Variants in ZHX2 observed in about 807,000 individuals in gnomAD.
ZHX2 encodes the protein zinc fingers and homeoboxes protein 2.
Under a neutral mutation model 21.9 loss-of-function variants are expected in ZHX2, and 6 were observed. The ratio of observed to expected loss-of-function variants is 0.27; its 90% CI spans 0.15 to 0.54. ZHX2 has a LOEUF of 0.54. ZHX2 is among the 20% of genes least tolerant of loss of function. The pLI, the probability that ZHX2 is intolerant of heterozygous loss-of-function variation, is 0.95. For synonymous variants in ZHX2, 434 were observed against 437.1 expected, an observed-to-expected ratio of 0.99 and a Z score of 0.09; for missense variants, 908 against 1,090.7, an observed-to-expected ratio of 0.83 and a Z score of 2.36.
intron 2 of ZHX2, among the ~76,000 whole-genome samples, chr8:122,939,138 C>G (rs575559747): frequency 5.3e-4 from 81 of 152,294 alleles, no homozygotes; most frequent in Admixed American, 4.1e-3. Flanking sequence ...GGCACAGAAC[C>G]AAATATACTC....
intron 1 of ZHX2, among the ~76,000 whole-genome samples, chr8:122,824,588 G>C (rs1031565921): frequency 1.3e-5 from 2 of 152,190 alleles, no homozygotes; most frequent in Non-Finnish European, 2.9e-5. Flanking sequence ...ATCCAGCCCA[G>C]TGCTTATGTT....
Position 122,953,019 on chromosome 8 carries a change from C to A in ZHX2, c.1509C>A (p.Ser503Arg). Reference sequence around the variant, plus strand: ...AAAGGGGCATCGTCCACATCACCAGCGAATCCCTTGCCAAAGACCAGTTGG... The same window carrying A: ...AAAGGGGCATCGTCCACATCACCAGAGAATCCCTTGCCAAAGACCAGTTGG... ...RCQRGIVHIT[S>R]ESLAKDQLAI... The change falls in exon 3 of 4, where the codon AGC (serine) becomes AGA (arginine). Residue 503 changes from serine (S) to arginine (R), a missense_variant. This residue lies in a region of ZHX2 where 232 missense variants were observed against 361.8 expected (regional missense o/e 0.64). Coordinates refer to ENST00000314393, the MANE Select transcript of ZHX2 (RefSeq NM_014943.5). This position sits in a 1 kb window ranked among gnomAD's most constrained non-coding sequence, Gnocchi z 4.6. The A allele has an allele frequency of 6.2e-7, 1 of 1,613,986 alleles. No individual in the cohort carries two copies. Among genetic ancestry groups the A allele is most frequent in the Non-Finnish European group, 8.5e-7 (1 of 1,180,020 alleles).
intron 2 of ZHX2, among the ~76,000 whole-genome samples, chr8:122,887,685 A>G (rs1819877883): frequency 6.6e-6 from 1 of 152,240 alleles, no homozygotes. Flanking sequence ...GAAAATGGAA[A>G]ACCGGAGGTA....
At chr8:122,872,524 G>T (rs1308468858) in intron 2 of ZHX2, among the ~76,000 whole-genome samples, 1 of 152,116 alleles carries the variant, frequency 6.6e-6, no homozygotes, top group African/African-American at 2.4e-5. Flanking sequence ...AAGTGAGAGA[G>T]GCCACTTCAT....
At chr8:122,832,576 G>A (rs1818401091) in intron 1 of ZHX2, among the ~76,000 whole-genome samples, 1 of 152,190 alleles carries the variant, frequency 6.6e-6, no homozygotes, top group Admixed American at 6.5e-5. Context: ...AGAAAGGTTG[G>A]GGAATAGGCT....
intron 2 of ZHX2, among the ~76,000 whole-genome samples, chr8:122,867,803 C>T (rs928838693): frequency 2.0e-5 from 3 of 152,164 alleles, no homozygotes; most frequent in Non-Finnish European, 4.4e-5. Context: ...TCTTTTCCCC[C>T]GTACCACCTC....
intron 3 of ZHX2, among the ~76,000 whole-genome samples, chr8:122,970,182 G>A (rs1813685430): frequency 6.6e-6 from 1 of 152,308 alleles, no homozygotes; most frequent in African/African-American, 2.4e-5. Flanking sequence ...CTCTGACCAG[G>A]TAATAGGACT....
At position 122,871,483 on chromosome 8, in the gene ZHX2, G is replaced by T. The variant is rs546635504; in HGVS notation, c.-220+7944G>T. Among the ~76,000 whole-genome samples, 6 of 135,386 alleles carry T rather than the reference G, an allele frequency of 4.4e-5. No individual in the cohort carries two copies. The East Asian group carries it at 1.4e-3, about 31-fold the overall frequency. The allele number at this position is 135,386 out of a possible 152,430, so 88.8% of individuals were successfully genotyped here. ...CATAGGTGGGAATTGAACAATGAGA[G>T]CACATGGACACAGGAAGGGGAACAT... On this transcript the variant is annotated intron_variant, in intron 2 of 3. Transcript: ENST00000314393.
chr8:122,818,031 C>A (rs1177183409), intron 1 of ZHX2, among the ~76,000 whole-genome samples: 3 of 152,198 alleles, frequency 2.0e-5, no homozygotes, highest in African/African-American at 7.2e-5. Context: ...CCTAAAGGTC[C>A]TGGCTTGCCT....
At chr8:122,854,131 C>G (rs990523511) in intron 1 of ZHX2, among the ~76,000 whole-genome samples, 16 of 152,284 alleles carry the variant, frequency 1.1e-4, no homozygotes, top group African/African-American at 3.8e-4. Flanking sequence ...CCTTGGTCTC[C>G]CCTCCTCTCA....
chr8:122,811,816 G>C (rs183839195), intron 1 of ZHX2: 2 of 152,340 alleles, frequency 1.3e-5, no homozygotes. Flanking sequence ...ATTTAAGAAA[G>C]TTGCCAAGAA....
chr8:122,929,906 A>G (rs1023769019), intron 2 of ZHX2, among the ~76,000 whole-genome samples: 1 of 152,212 alleles, frequency 6.6e-6, no homozygotes, highest in East Asian at 1.9e-4. Flanking sequence ...ATGGGGAGCC[A>G]CAGGGGCCAA....
chr8:122,797,429 C>G (rs1021890353), intron 1 of ZHX2, among the ~76,000 whole-genome samples: 1 of 152,192 alleles, frequency 6.6e-6, no homozygotes, highest in Admixed American at 6.5e-5. Flanking sequence ...AGCACATGAC[C>G]GTCGGGCCAG....
chr8:122,834,646 G>A (rs1484466215), intron 1 of ZHX2, among the ~76,000 whole-genome samples: 1 of 152,192 alleles, frequency 6.6e-6, no homozygotes, highest in Non-Finnish European at 1.5e-5. Context: ...TTTGAGGGCC[G>A]TCATCAAGCT....
At position 122,828,496 on chromosome 8, in the gene ZHX2, T is replaced by C. The variant is rs964513972; in HGVS notation, c.-282-34981T>C. On this transcript the variant is annotated intron_variant, in intron 1 of 3. Coordinates refer to ENST00000314393, the MANE Select transcript of ZHX2 (RefSeq NM_014943.5). This position sits in a 1 kb window ranked among gnomAD's most constrained non-coding sequence, Gnocchi z 5.2. The stretch of plus-strand genomic sequence containing the variant: ...CAAAACCCAGGAAGACAGGGAGAGC[T>C]GCGGCCCACGAATGCATCTACCAGT... Among the ~76,000 whole-genome samples, 7 of 152,174 alleles carry C rather than the reference T, an allele frequency of 4.6e-5. No individual in the cohort carries two copies. The highest frequency in any genetic ancestry group is 1.9e-4 in the East Asian group (1 of 5,192).
rs1586568154 is a variant in ZHX2 at position 122,782,127 on chromosome 8, G to GC, written c.-283+181_-283+182insC. 1.1e-5 allele frequency among the ~76,000 whole-genome samples: 1 copy of GC among 89,042 alleles called. No homozygotes were observed. The highest frequency in any genetic ancestry group is 4.7e-4 in the South Asian group (1 of 2,132). The allele number at this position is 89,042 out of a possible 152,430, so 58.4% of individuals were successfully genotyped here. ...TGTGATTGGAAGGGGGGTACGGAAGGGGGGGGGTGTGCAGGCTCTTTTTGC... is the reference window on the plus strand; with the variant it reads ...TGTGATTGGAAGGGGGGTACGGAAGGCGGGGGGGTGTGCAGGCTCTTTTTGC... On this transcript the variant is annotated intron_variant, in intron 1 of 3. Coordinates refer to ENST00000314393, the MANE Select transcript of ZHX2 (RefSeq NM_014943.5). This position sits in a 1 kb window ranked among gnomAD's most constrained non-coding sequence, Gnocchi z 5.3.
chr8:122,855,995 T>C (rs2130755996), intron 1 of ZHX2, among the ~76,000 whole-genome samples: 1 of 152,324 alleles, frequency 6.6e-6, no homozygotes, highest in South Asian at 2.1e-4. Context: ...GCAGGGAACA[T>C]ATCCCAAGTT....
chr8:122,831,464 TGAA>T (rs1225627050), intron 1 of ZHX2, among the ~76,000 whole-genome samples: 6 of 152,024 alleles, frequency 3.9e-5, no homozygotes, highest in African/African-American at 1.4e-4. Context: ...GCTTTGAGAG[TGAA>T]GAAGAACGAA....
intron 1 of ZHX2, among the ~76,000 whole-genome samples, chr8:122,837,994 T>C (rs1818542200): frequency 6.6e-6 from 1 of 152,100 alleles, no homozygotes; most frequent in Non-Finnish European, 1.5e-5. Context: ...GCCACCCGCT[T>C]AGGGGAGAGG....
Sources: allele counts gnomAD v4.1 joint callset (sites outside exome capture counted in the v4.1 genomes callset), GRCh38; gene constraint gnomAD v4.1.1; regional missense constraint gnomAD v4.1.1; non-coding constraint Gnocchi (gnomAD v3.1); transcripts MANE v1.5; gene names NCBI Gene and HGNC (gene_info 2026-07-23, HGNC 2026-07-21).